The following CPE variants were observed in gnomAD, a reference collection of about 807,000 sequenced individuals.
CPE encodes the protein carbocypeptidase E.
Under a neutral mutation model 53.5 loss-of-function variants are expected in CPE, and 17 were observed. That is an observed-to-expected ratio of 0.32 (90% confidence interval 0.22 to 0.48). The LOEUF (loss-of-function observed/expected upper bound fraction) is 0.48. CPE is among the 20% of genes least tolerant of loss of function. CPE has a pLI of 0.99. For synonymous variants in CPE, 226 were observed against 228.8 expected (o/e 0.99, Z 0.11); for missense variants, 524 against 614.7 (o/e 0.85, Z 1.56).
intron 1 of CPE, among the ~76,000 whole-genome samples, chr4:165,409,039 C>A (rs969066823): frequency 2.6e-5 from 4 of 152,194 alleles, no homozygotes; most frequent in African/African-American, 7.2e-5. Context: ...TCTCTTCTTA[C>A]ATTTATTTGG....
intron 6 of CPE, among the ~76,000 whole-genome samples, chr4:165,488,077 A>G (rs1396538176): frequency 6.6e-6 from 1 of 152,158 alleles, no homozygotes; most frequent in Admixed American, 6.6e-5. Context: ...AATAATAATA[A>G]TGAGTTATGT....
chr4:165,411,331 C>T (rs1389512604), intron 1 of CPE, among the ~76,000 whole-genome samples: 1 of 152,106 alleles, frequency 6.6e-6, no homozygotes, highest in Non-Finnish European at 1.5e-5. Context: ...TCCTTCTTCC[C>T]TCCATCCCTC....
At chr4:165,415,763 TTAC>T (rs773910209) in intron 1 of CPE, among the ~76,000 whole-genome samples, 44,974 of 151,760 alleles carry the variant, frequency 0.3, 6,814 homozygotes, top group Middle Eastern at 0.39. Flanking sequence ...TACATATATA[TTAC>T]ATACATACAT....
chr4:165,382,988 C>T (rs1283213893), intron 1 of CPE, among the ~76,000 whole-genome samples: 2 of 152,202 alleles, frequency 1.3e-5, no homozygotes, highest in Non-Finnish European at 2.9e-5. Context: ...TTTTGTATCA[C>T]TTCTGAGGTC....
At chr4:165,402,464 T>C (rs1036171800) in intron 1 of CPE, among the ~76,000 whole-genome samples, 1 of 152,222 alleles carries the variant, frequency 6.6e-6, no homozygotes, top group Admixed American at 6.5e-5. Flanking sequence ...TGCCCAGTGT[T>C]GGAGACGGAG....
chr4:165,415,104 G>T, intron 1 of CPE: 1 of 166,812 alleles, frequency 6.0e-6, no homozygotes. Flanking sequence ...TATAATTAAT[G>T]AAAATGTTAA....
chr4:165,400,502 G>A (rs1730848653), intron 1 of CPE, among the ~76,000 whole-genome samples: 1 of 152,106 alleles, frequency 6.6e-6, no homozygotes, highest in Non-Finnish European at 1.5e-5. Flanking sequence ...CAGTGCTGTG[G>A]AAGTTAATGA....
At chr4:165,396,875 C>A (rs1234923739) in intron 1 of CPE, among the ~76,000 whole-genome samples, 62 of 144,446 alleles carry the variant, frequency 4.3e-4, no homozygotes, top group African/African-American at 1.6e-3. Context: ...CATGGCGAAA[C>A]CCTGTCGCCA....
At chr4:165,460,103 G>T (rs1230184977) in intron 1 of CPE, among the ~76,000 whole-genome samples, 2 of 151,860 alleles carry the variant, frequency 1.3e-5, no homozygotes, top group Non-Finnish European at 2.9e-5. Flanking sequence ...CCACATACCT[G>T]GCAGCTGCAA....
chr4:165,379,738 C>T lies in CPE; in HGVS notation c.307+210C>T, dbSNP rs576662663. ...GCCAGTGGCCCAATTTCTGCTTTCCCGTCCCATCCCCCCAGCACCAATCCC... is the reference window on the plus strand; with the variant it reads ...GCCAGTGGCCCAATTTCTGCTTTCCTGTCCCATCCCCCCAGCACCAATCCC... On this transcript the variant is annotated intron_variant, in intron 1 of 8. Transcript: ENST00000402744. This position sits in a 1 kb window ranked among gnomAD's most constrained non-coding sequence, Gnocchi z 6.0. Among the ~76,000 whole-genome samples, 1 of 152,294 alleles carries T rather than the reference C, an allele frequency of 6.6e-6. No individual in the cohort carries two copies. The highest frequency in any genetic ancestry group is 2.4e-5 in the African/African-American group (1 of 41,576).
chr4:165,467,856 G>T lies in CPE; in HGVS notation c.672+1G>T. On this transcript the variant is annotated splice_donor_variant, in intron 3 of 8. Coordinates refer to ENST00000402744, the MANE Select transcript of CPE (RefSeq NM_001873.4). LOFTEE classifies it high-confidence loss of function. ...GAAAATTGTGGATCAAAACACAAAG[G>T]TAGTGACCACGGGATAGTCTTCTTG... 6.2e-7 allele frequency: 1 copy of T among 1,613,198 alleles called. No individual in the cohort carries two copies. Among genetic ancestry groups the T allele is most frequent in the Non-Finnish European group, 8.5e-7 (1 of 1,179,536 alleles).
chr4:165,496,943 G>A (rs1367297012), intron 8 of CPE, among the ~76,000 whole-genome samples: 2 of 151,956 alleles, frequency 1.3e-5, no homozygotes, highest in East Asian at 3.9e-4. Context: ...TCTTTTTTGA[G>A]ACAGAGTCTT....
Position 165,392,207 on chromosome 4 carries a change from A to G in CPE, c.307+12679A>G, listed in dbSNP as rs539615013. Reference sequence around the variant, plus strand: ...TAATATACTTATATATATATAGTATATGTATACTAGTATATATACTAATAT... The same window carrying G: ...TAATATACTTATATATATATAGTATGTGTATACTAGTATATATACTAATAT... On this transcript the variant is annotated intron_variant, in intron 1 of 8. Transcript: ENST00000402744. Among the ~76,000 whole-genome samples, 292 of 147,202 alleles carry G rather than the reference A, an allele frequency of 2.0e-3. 1 individual carries two copies. Among genetic ancestry groups the G allele is most frequent in the African/African-American group, 6.7e-3 (273 of 40,612 alleles).
Position 165,498,101 on chromosome 4 carries a change from G to A in CPE, c.*491G>A, listed in dbSNP as rs1359271902. On this transcript the variant is annotated 3_prime_UTR_variant, in exon 9 of 9. Coordinates refer to ENST00000402744, the MANE Select transcript of CPE (RefSeq NM_001873.4). ...TTTTTCTTGTGCTGACTAACTATAAGCATGATCTTGTTAATGCATTTTTGA... is the reference window on the plus strand; with the variant it reads ...TTTTTCTTGTGCTGACTAACTATAAACATGATCTTGTTAATGCATTTTTGA... 6.6e-6 allele frequency: 1 copy of A among 151,926 alleles called. No individual in the cohort carries two copies. Among genetic ancestry groups the A allele is most frequent in the Non-Finnish European group, 1.5e-5 (1 of 67,992 alleles). 9.4% of individuals were successfully genotyped at this position (151,926 alleles called of 1,614,324 possible). A position where few individuals can be genotyped will look rare whatever the true frequency, so the allele number is the denominator to read the frequency against.
intron 1 of CPE, among the ~76,000 whole-genome samples, chr4:165,394,122 G>A (rs1348705256): frequency 6.6e-6 from 1 of 152,036 alleles, no homozygotes; most frequent in South Asian, 2.1e-4. Context: ...GAAACTTTGG[G>A]GAAACAGAAA....
intron 1 of CPE, 44 bp from the exon 2 acceptor site, chr4:165,464,346 G>T (rs1239333028): frequency 1.6e-5 from 23 of 1,477,042 alleles, no homozygotes; most frequent in African/African-American, 2.8e-5. Context: ...ATTTGGCTCT[G>T]TATGTCATAG....
At chr4:165,400,038 A>G (rs16999550) in intron 1 of CPE, among the ~76,000 whole-genome samples, 2,705 of 152,338 alleles carry the variant, frequency 0.018, 72 homozygotes, top group African/African-American at 0.061. Flanking sequence ...TGGCCATATC[A>G]TGAATATCCT....
At chr4:165,431,128 T>C (rs1288398446) in intron 1 of CPE, among the ~76,000 whole-genome samples, 2 of 152,190 alleles carry the variant, frequency 1.3e-5, no homozygotes, top group Non-Finnish European at 2.9e-5. Context: ...TACTGACCTA[T>C]AAGCTGCATT....
chr4:165,493,935 A>G (rs1732655819), intron 7 of CPE, among the ~76,000 whole-genome samples: 1 of 152,128 alleles, frequency 6.6e-6, no homozygotes, highest in Non-Finnish European at 1.5e-5. Flanking sequence ...ATTTGTTGGG[A>G]TCTTTTCAAT....
Sources: gnomAD v4.1 joint callset for allele counts (sites outside exome capture counted in the v4.1 genomes callset) on GRCh38, gnomAD v4.1.1 for gene constraint, Gnocchi (gnomAD v3.1) non-coding constraint, MANE v1.5 for transcripts, NCBI Gene and HGNC (gene_info 2026-07-23, HGNC 2026-07-21) for gene names.